The following BANK1 variants were observed in gnomAD, a reference collection of about 807,000 sequenced individuals.
The protein encoded by BANK1 is B cell scaffold protein with ankyrin repeats 1, also known as B-cell scaffold protein with ankyrin repeats.
A neutral mutation model predicts 94.5 loss-of-function variants in BANK1; 95 were observed. The observed-to-expected ratio is 1.00, with a 90% CI of 0.85 to 1.19. The LOEUF (loss-of-function observed/expected upper bound fraction) is 1.19, where lower values mean the gene tolerates loss of function less well. Among genes scored for constraint, BANK1 ranks in the 50% most tolerant of loss-of-function variants. BANK1 has a pLI of 0.00. For synonymous variants in BANK1, 334 were observed against 308.4 expected (o/e 1.08, Z -0.87); for missense variants, 987 against 932.2 (o/e 1.06, Z -0.77).
chr4:101,792,469 G>GTGTGTTT (rs1458927726), intron 1 of BANK1, among the ~76,000 whole-genome samples: 6 of 97,642 alleles, frequency 6.1e-5, no homozygotes, highest in Admixed American at 5.7e-4. Context: ...GTGTGTGTGT[G>GTGTGTTT]TTTTTTTTTT....
rs982500766 is a variant in BANK1, at chr4:101,791,071, A to G, written c.70+121A>G. Reference sequence around the variant, plus strand: ...ACTGAGGCCAGGGCGTCCCTGAGACAGGGCTTCTCCTTTTTATCCTGCCGC... The same window carrying G: ...ACTGAGGCCAGGGCGTCCCTGAGACGGGGCTTCTCCTTTTTATCCTGCCGC... On this transcript the variant is annotated intron_variant, in intron 1 of 16. Transcript: ENST00000322953. The G allele has an allele frequency of 1.5e-5, 12 of 799,762 alleles. No individual in the cohort carries two copies. In the African/African-American group the frequency reaches 2.3e-4, roughly 15 times the overall value. 49.5% of individuals were successfully genotyped at this position (799,762 alleles called of 1,614,324 possible).
intron 7 of BANK1, among the ~76,000 whole-genome samples, chr4:101,951,650 A>G (rs940506120): frequency 1.1e-4 from 16 of 152,066 alleles, no homozygotes; most frequent in African/African-American, 3.9e-4. Flanking sequence ...ATGGACTACA[A>G]TGAGAAATTA....
intron 7 of BANK1, among the ~76,000 whole-genome samples, chr4:101,997,810 CT>C (rs1725931213): frequency 6.6e-6 from 1 of 152,020 alleles, no homozygotes; most frequent in Non-Finnish European, 1.5e-5. Flanking sequence ...ATTCTTCTCT[CT>C]TTTCTTCTTA....
At chr4:101,861,995 A>G (rs1463185508) in intron 3 of BANK1, among the ~76,000 whole-genome samples, 1 of 152,164 alleles carries the variant, frequency 6.6e-6, no homozygotes. Context: ...ACAAATAAAG[A>G]GTGGCCACTG....
At chr4:101,908,147 TTCAAACTGTCC>T (rs1375871104) in intron 6 of BANK1, among the ~76,000 whole-genome samples, 1 of 152,158 alleles carries the variant, frequency 6.6e-6, no homozygotes, top group African/African-American at 2.4e-5. Flanking sequence ...ACTACCTGAC[TTCAAACTGTCC>T]TACAAGGCTA....
intron 10 of BANK1, among the ~76,000 whole-genome samples, chr4:102,035,042 A>G (rs1264180822): frequency 6.6e-6 from 1 of 152,214 alleles, no homozygotes; most frequent in Non-Finnish European, 1.5e-5. Flanking sequence ...TATTTGGTGA[A>G]TATTAACTGA....
At chr4:102,027,412 CACTT>C (rs770220171) in intron 9 of BANK1, among the ~76,000 whole-genome samples, 29 of 152,186 alleles carry the variant, frequency 1.9e-4, no homozygotes, top group South Asian at 4.1e-4. Flanking sequence ...AATAAAAACT[CACTT>C]ATTTAATTTA....
chr4:101,837,582 A>G (rs935068300), intron 2 of BANK1, among the ~76,000 whole-genome samples: 2 of 152,148 alleles, frequency 1.3e-5, no homozygotes, highest in Non-Finnish European at 2.9e-5. Context: ...CCCTCAATGT[A>G]TGGTACATAT....
chr4:101,908,475 C>T (rs1223223010), intron 6 of BANK1, among the ~76,000 whole-genome samples: 2 of 152,128 alleles, frequency 1.3e-5, no homozygotes, highest in East Asian at 3.8e-4. Flanking sequence ...CTAAGCAATA[C>T]CATTCAGGAC....
intron 7 of BANK1, among the ~76,000 whole-genome samples, chr4:102,007,138 A>AGATATT (rs1560682246): frequency 3.2e-5 from 1 of 31,284 alleles, no homozygotes; most frequent in Non-Finnish European, 6.8e-5. Context: ...ATATATAAAA[A>AGATATT]ATATATTTTA....
chr4:101,856,319 A>G (rs1727678427), intron 3 of BANK1, among the ~76,000 whole-genome samples: 1 of 152,196 alleles, frequency 6.6e-6, no homozygotes, highest in African/African-American at 2.4e-5. Context: ...AGGAAACGGA[A>G]CTATACAGGT....
intron 7 of BANK1, among the ~76,000 whole-genome samples, chr4:101,930,566 A>G (rs555908153): frequency 6.6e-6 from 1 of 151,640 alleles, no homozygotes; most frequent in Non-Finnish European, 1.5e-5. Context: ...GAAAAAAATA[A>G]CATGTTAGTA....
chr4:102,063,722 T>C (rs1164060852), intron 13 of BANK1, among the ~76,000 whole-genome samples: 1 of 149,706 alleles, frequency 6.7e-6, no homozygotes, highest in Non-Finnish European at 1.5e-5. Flanking sequence ...CTCGGGATGC[T>C]GAGGCAGGAG....
At chr4:101,952,169 C>T (rs999749723) in intron 7 of BANK1, among the ~76,000 whole-genome samples, 1 of 152,060 alleles carries the variant, frequency 6.6e-6, no homozygotes, top group African/African-American at 2.4e-5. Flanking sequence ...GAAACTGTGA[C>T]TTTAAGCAAA....
chr4:101,796,070 G>A (rs913014008), intron 1 of BANK1, among the ~76,000 whole-genome samples: 2 of 152,196 alleles, frequency 1.3e-5, no homozygotes, highest in Non-Finnish European at 2.9e-5. Flanking sequence ...GATGAAAGAT[G>A]AGATTATTGT....
chr4:102,007,630 CA>C (rs1726349792), intron 7 of BANK1, among the ~76,000 whole-genome samples: 3 of 152,116 alleles, frequency 2.0e-5, no homozygotes, highest in South Asian at 4.1e-4. Context: ...GTACATCTAT[CA>C]GAAAATAGCT....
intron 5 of BANK1, among the ~76,000 whole-genome samples, chr4:101,884,231 A>G (rs2148886663): frequency 6.6e-6 from 1 of 152,322 alleles, no homozygotes; most frequent in East Asian, 1.9e-4. Flanking sequence ...CAAAACACAA[A>G]CGAGTATACA....
chr4:102,024,645 A>T (rs1727018030), intron 8 of BANK1, among the ~76,000 whole-genome samples: 1 of 152,110 alleles, frequency 6.6e-6, no homozygotes, highest in South Asian at 2.1e-4. Context: ...CACCAAAAAA[A>T]AATTAACTTT....
chr4:102,033,435 G>A (rs186903168), intron 10 of BANK1, among the ~76,000 whole-genome samples: 127 of 152,132 alleles, frequency 8.3e-4, no homozygotes, highest in African/African-American at 1.6e-3. Flanking sequence ...TCGATTGAGT[G>A]CCAATGATAA....
Sources: allele counts gnomAD v4.1 joint callset (sites outside exome capture counted in the v4.1 genomes callset), GRCh38; gene constraint gnomAD v4.1.1; transcripts MANE v1.5; gene names NCBI Gene and HGNC (gene_info 2026-07-23, HGNC 2026-07-21).